The following ESRRG variants were observed in gnomAD, a reference collection of about 807,000 sequenced individuals.
ESRRG encodes the protein estrogen related receptor gamma.
Under a neutral mutation model 44.0 loss-of-function variants are expected in ESRRG, and 13 were observed. That is an observed-to-expected ratio of 0.30 (90% CI 0.19 to 0.47). The LOEUF (loss-of-function observed/expected upper bound fraction) is 0.47. ESRRG is among the 20% of genes least tolerant of loss of function. The probability of loss-of-function intolerance (pLI) is 1.00; values close to 1 mark genes in which losing one functional copy is unlikely to be tolerated. For missense variants in ESRRG, 395 were observed against 580.6 expected (o/e 0.68, Z 3.29); for synonymous variants, 215 against 214.6 (o/e 1.00, Z -0.02).
chr1:216,658,079 G>A (rs1024139037), intron 2 of ESRRG, among the ~76,000 whole-genome samples: 1 of 152,062 alleles, frequency 6.6e-6, no homozygotes, highest in African/African-American at 2.4e-5. Context: ...CCTCAGCAAT[G>A]TCTAGTGACT....
intron 2 of ESRRG, among the ~76,000 whole-genome samples, chr1:216,771,281 C>T (rs914849671): frequency 6.6e-6 from 1 of 152,052 alleles, no homozygotes; most frequent in Non-Finnish European, 1.5e-5. Flanking sequence ...TAAAGATGCT[C>T]AATAATGCTT....
chr1:216,843,404 T>C (rs1250825707), intron 2 of ESRRG, among the ~76,000 whole-genome samples: 1 of 152,088 alleles, frequency 6.6e-6, no homozygotes, highest in Non-Finnish European at 1.5e-5. Flanking sequence ...AGGTATTAAA[T>C]TAAAAGATGT....
At chr1:216,864,266 T>G (rs550058671) in intron 2 of ESRRG, 1 of 151,824 alleles carries the variant, frequency 6.6e-6, no homozygotes, top group African/African-American at 2.4e-5. Flanking sequence ...GACATAGTTA[T>G]GGTCTGCTTT....
At chr1:216,565,253 C>T (rs1309889594) in intron 4 of ESRRG, among the ~76,000 whole-genome samples, 1 of 152,158 alleles carries the variant, frequency 6.6e-6, no homozygotes, top group East Asian at 1.9e-4. Context: ...ATGGAAGGGG[C>T]TGTAAAGTCT....
chr1:216,861,700 TCATAAAAA>T (rs1203971652), intron 2 of ESRRG, among the ~76,000 whole-genome samples: 4 of 152,086 alleles, frequency 2.6e-5, no homozygotes, highest in Non-Finnish European at 5.9e-5. Flanking sequence ...TTGATAGACT[TCATAAAAA>T]TTAAAAATGT....
At chr1:216,542,382 C>A (rs17042784) in intron 5 of ESRRG, among the ~76,000 whole-genome samples, 2 of 151,722 alleles carry the variant, frequency 1.3e-5, no homozygotes, top group African/African-American at 4.8e-5. Flanking sequence ...GTAGCTATAG[C>A]TCTTAAATAC....
intron 3 of ESRRG, among the ~76,000 whole-genome samples, chr1:216,638,066 G>A (rs549578852): frequency 2.0e-4 from 31 of 152,190 alleles, no homozygotes; most frequent in East Asian, 1.2e-3. Flanking sequence ...TATTGTACTA[G>A]GTGCCATGAA....
At chr1:216,527,423 G>A (rs568272890) in intron 5 of ESRRG, among the ~76,000 whole-genome samples, 26 of 152,180 alleles carry the variant, frequency 1.7e-4, no homozygotes, top group Admixed American at 4.6e-4. Flanking sequence ...TCATCAAAAT[G>A]CTTTCTTTGT....
intron 1 of ESRRG, chr1:217,000,369 TC>T (rs2076869331): frequency 6.6e-6 from 1 of 152,228 alleles, no homozygotes; most frequent in Admixed American, 6.5e-5. Context: ...TTGCCAGCGA[TC>T]TTTGGAGTTC....
At chr1:216,571,937 G>A (rs969482703) in intron 3 of ESRRG, among the ~76,000 whole-genome samples, 5 of 152,006 alleles carry the variant, frequency 3.3e-5, no homozygotes, top group African/African-American at 1.2e-4. Flanking sequence ...AGCGATTAAT[G>A]GTAAAAATTT....
Position 217,103,227 on chromosome 1 carries a change from C to T in ESRRG, c.-230+34440G>A, listed in dbSNP as rs143122113. Among the ~76,000 whole-genome samples the T allele has an allele frequency of 5.9e-5, 9 of 152,162 alleles. 1 individual carries two copies. In the South Asian group the frequency reaches 1.9e-3, roughly 32 times the overall value. On this transcript the variant is annotated intron_variant, in intron 1 of 8. Transcript: ENST00000366940. ...AGAGTAGAGGAATGGAAGCCTCCTC[C>T]GTCAGTCAACCTTGGTACTACCACT...
Position 216,635,657 on chromosome 1 carries a change from G to A in ESRRG, c.589+15316C>T, listed in dbSNP as rs1163829143. 2.0e-5 allele frequency among the ~76,000 whole-genome samples: 3 copies of A among 152,000 alleles called. No individual in the cohort carries two copies. In the East Asian group the frequency reaches 5.8e-4, roughly 29 times the overall value. On this transcript the variant is annotated intron_variant, in intron 3 of 6. Transcript: ENST00000408911. ...TGCTGTCTCCTCACAATCCACTGAG[G>A]GGTCTCTGTAATTCTGGCAGGTTTT...
intron 5 of ESRRG, among the ~76,000 whole-genome samples, chr1:216,524,924 T>C (rs1179382581): frequency 6.6e-6 from 1 of 152,138 alleles, no homozygotes; most frequent in Non-Finnish European, 1.5e-5. Flanking sequence ...CAAAACAGAA[T>C]TATCACTGTT....
At chr1:216,749,371 T>G (rs949625351) in intron 2 of ESRRG, among the ~76,000 whole-genome samples, 2 of 152,128 alleles carry the variant, frequency 1.3e-5, no homozygotes, top group Admixed American at 1.3e-4. Flanking sequence ...TGGCTGGATT[T>G]GGACTTCCTG....
intron 1 of ESRRG, among the ~76,000 whole-genome samples, chr1:217,015,425 A>C (rs1426062851): frequency 1.3e-5 from 2 of 152,216 alleles, no homozygotes; most frequent in Non-Finnish European, 2.9e-5. Context: ...TAAAATATAT[A>C]AAACATAAAT....
chr1:216,568,115 G>A lies in ESRRG; in HGVS notation c.590-17C>T. ...GACGCACCCCTGTGAGCAAAGACAG[G>A]CACCGGCTTACTATTAAGGTAGCTA... On this transcript the variant is annotated splice_polypyrimidine_tract_variant and intron_variant, in intron 3 of 6. Coordinates refer to ENST00000408911, the MANE Select transcript of ESRRG (RefSeq NM_001438.4). 7 of 1,560,576 alleles carry A rather than the reference G, an allele frequency of 4.5e-6. No individual in the cohort carries two copies. The highest frequency in any genetic ancestry group is 1.1e-5 in the South Asian group (1 of 90,014).
chr1:217,074,517 AT>A (rs1211008430), intron 1 of ESRRG, among the ~76,000 whole-genome samples: 1 of 151,874 alleles, frequency 6.6e-6, no homozygotes, highest in Non-Finnish European at 1.5e-5. Flanking sequence ...AATAATGAAT[AT>A]AAATATTACT....
Position 216,687,476 on chromosome 1 carries a change from A to AT in ESRRG, c.57-9986dup, listed in dbSNP as rs536155521. Among the ~76,000 whole-genome samples the AT allele has an allele frequency of 3.0e-3, 452 of 152,078 alleles. 1 individual carries two copies. The highest frequency in any genetic ancestry group is 6.9e-3 in the African/African-American group (285 of 41,494). ...GAATCTTCTCTTCATTTTTGGAGTG[A>AT]TTTTTTCCCTCTCTTCTATTTACCA... On this transcript the variant is annotated intron_variant, in intron 1 of 6. Transcript: ENST00000408911.
At chr1:216,647,566 A>C (rs1194247754) in intron 3 of ESRRG, among the ~76,000 whole-genome samples, 1 of 152,182 alleles carries the variant, frequency 6.6e-6, no homozygotes, top group Non-Finnish European at 1.5e-5. Flanking sequence ...GCTAATGAGA[A>C]AGCATATCTT....
Sources: allele counts gnomAD v4.1 joint callset (sites outside exome capture counted in the v4.1 genomes callset), GRCh38; gene constraint gnomAD v4.1.1; transcripts MANE v1.5; gene names NCBI Gene and HGNC (gene_info 2026-07-23, HGNC 2026-07-21).